The following MFHAS1 variants were observed in gnomAD, a reference collection of about 807,000 sequenced individuals.
MFHAS1 encodes the protein multifunctional ROCO family signaling regulator 1, also known as malignant fibrous histiocytoma-amplified sequence 1.
Under a neutral mutation model 70.4 loss-of-function variants are expected in MFHAS1, and 50 were observed. That is an observed-to-expected ratio of 0.71 (90% confidence interval 0.57 to 0.90). The LOEUF (loss-of-function observed/expected upper bound fraction) is 0.90. MFHAS1 is among the 40% of genes least tolerant of loss of function. MFHAS1 has a pLI of 0.00. For synonymous variants in MFHAS1, 952 were observed against 620.0 expected, an observed-to-expected ratio of 1.54 and a Z score of -7.96; for missense variants, 1,795 against 1,347.6, an observed-to-expected ratio of 1.33 and a Z score of -5.20.
rs144623564 is a variant in MFHAS1, at chr8:8,824,993, T to C, written c.2999-27502A>G. Among the ~76,000 whole-genome samples the C allele has an allele frequency of 6.8e-3, 1,032 of 152,320 alleles. 8 individuals are homozygous for C. Among genetic ancestry groups the C allele is most frequent in the Non-Finnish European group, 0.011 (741 of 68,016 alleles). On this transcript the variant is annotated intron_variant, in intron 1 of 2. Transcript: ENST00000276282. ...TCCCAGGCTAGACTCCTAGGGGACC[T>C]GCTTTCACCAAGGAAGGGAATAGAG...
At chr8:8,838,811 C>CA (rs33959926) in intron 1 of MFHAS1, among the ~76,000 whole-genome samples, 41,043 of 136,048 alleles carry the variant, frequency 0.3, 6,556 homozygotes, top group South Asian at 0.49. Context: ...GACCCTGCCT[C>CA]AAAAAAAAAA....
At chr8:8,806,679 G>T (rs1221465957) in intron 1 of MFHAS1, among the ~76,000 whole-genome samples, 1 of 152,110 alleles carries the variant, frequency 6.6e-6, no homozygotes, top group Non-Finnish European at 1.5e-5. Flanking sequence ...CCTAGAAAGG[G>T]GCCGGGTCCG....
At chr8:8,857,547 A>G (rs1808489660) in intron 1 of MFHAS1, among the ~76,000 whole-genome samples, 1 of 152,144 alleles carries the variant, frequency 6.6e-6, no homozygotes, top group African/African-American at 2.4e-5. Context: ...TCACAAGGTC[A>G]GGAGCTCGAG....
chr8:8,863,561 G>A (rs913220532), intron 1 of MFHAS1, among the ~76,000 whole-genome samples: 3 of 152,068 alleles, frequency 2.0e-5, no homozygotes, highest in Admixed American at 1.3e-4. Flanking sequence ...CCTTGCACCC[G>A]TGGTCTCTAG....
chr8:8,819,413 G>A (rs1563188210), intron 1 of MFHAS1, among the ~76,000 whole-genome samples: 1 of 152,114 alleles, frequency 6.6e-6, no homozygotes, highest in East Asian at 1.9e-4. Flanking sequence ...AGACCATCCT[G>A]GCTAACAGGG....
chr8:8,807,275 G>C (rs1806329214), intron 1 of MFHAS1, among the ~76,000 whole-genome samples: 1 of 151,998 alleles, frequency 6.6e-6, no homozygotes, highest in African/African-American at 2.4e-5. Context: ...CAGAAAAAAA[G>C]CCTGACGAAT....
chr8:8,832,870 G>C (rs1327255340), intron 1 of MFHAS1, among the ~76,000 whole-genome samples: 1 of 152,006 alleles, frequency 6.6e-6, no homozygotes, highest in South Asian at 2.1e-4. Flanking sequence ...CAAACTATTG[G>C]TCGAATTGTG....
intron 1 of MFHAS1, among the ~76,000 whole-genome samples, chr8:8,832,533 C>A (rs146192280): frequency 5.3e-5 from 8 of 150,930 alleles, no homozygotes; most frequent in African/African-American, 1.7e-4. Context: ...AGAAACCTTA[C>A]GAAGATACAC....
At chr8:8,883,858 G>A (rs945833858) in intron 1 of MFHAS1, among the ~76,000 whole-genome samples, 1 of 151,818 alleles carries the variant, frequency 6.6e-6, no homozygotes, top group Non-Finnish European at 1.5e-5. Flanking sequence ...ACCTCTTCAC[G>A]GACAAAGGGG....
At chr8:8,857,755 G>A (rs527781139) in intron 1 of MFHAS1, among the ~76,000 whole-genome samples, 7 of 150,152 alleles carry the variant, frequency 4.7e-5, no homozygotes, top group Admixed American at 3.3e-4. Context: ...GCAAGACTCC[G>A]TCTCAAAAAA....
At chr8:8,835,538 T>C (rs760936743) in intron 1 of MFHAS1, among the ~76,000 whole-genome samples, 10 of 152,226 alleles carry the variant, frequency 6.6e-5, no homozygotes, top group Non-Finnish European at 1.2e-4. Context: ...TACAAGGAAA[T>C]GAAAATTGAA....
intron 1 of MFHAS1, among the ~76,000 whole-genome samples, chr8:8,801,215 A>G (rs1370823472): frequency 6.8e-6 from 1 of 146,230 alleles, no homozygotes; most frequent in African/African-American, 2.5e-5. Context: ...ACTCTGTCTC[A>G]AAAAAAAAAA....
intron 1 of MFHAS1, among the ~76,000 whole-genome samples, chr8:8,843,215 G>A (rs1807903272): frequency 6.6e-6 from 1 of 151,796 alleles, no homozygotes; most frequent in Admixed American, 6.5e-5. Context: ...CTTGCAGTGA[G>A]CCGAGATTGC....
At chr8:8,814,819 T>C (rs977521649) in intron 1 of MFHAS1, among the ~76,000 whole-genome samples, 1 of 151,006 alleles carries the variant, frequency 6.6e-6, no homozygotes, top group African/African-American at 2.4e-5. Context: ...GAAAACCACA[T>C]GAGATACTAC....
intron 1 of MFHAS1, among the ~76,000 whole-genome samples, chr8:8,821,665 A>C (rs1806961838): frequency 6.6e-6 from 1 of 152,214 alleles, no homozygotes; most frequent in African/African-American, 2.4e-5. Context: ...ATGTATATTA[A>C]ATCCTCCTCT....
At chr8:8,804,759 A>G (rs897591815) in intron 1 of MFHAS1, among the ~76,000 whole-genome samples, 4 of 152,176 alleles carry the variant, frequency 2.6e-5, no homozygotes, top group African/African-American at 7.2e-5. Flanking sequence ...GATTCTCCCA[A>G]TGAATAACGC....
At chr8:8,873,119 G>A (rs1302991809) in intron 1 of MFHAS1, among the ~76,000 whole-genome samples, 1 of 152,234 alleles carries the variant, frequency 6.6e-6, no homozygotes, top group Non-Finnish European at 1.5e-5. Flanking sequence ...TGGTATCATA[G>A]TGTTCTTTTG....
intron 1 of MFHAS1, among the ~76,000 whole-genome samples, chr8:8,797,700 GA>G (rs776282270): frequency 4.6e-5 from 7 of 152,286 alleles, no homozygotes; most frequent in Middle Eastern, 3.4e-3. Flanking sequence ...TCACCGTGGA[GA>G]AAATTTTCAT....
At chr8:8,793,191 C>G (rs2046172088) in intron 2 of MFHAS1, among the ~76,000 whole-genome samples, 1 of 150,030 alleles carries the variant, frequency 6.7e-6, no homozygotes, top group African/African-American at 2.5e-5. Flanking sequence ...AAAAAAATAT[C>G]ACTACCTACT....
Sources: allele counts gnomAD v4.1 joint callset (sites outside exome capture counted in the v4.1 genomes callset), GRCh38; gene constraint gnomAD v4.1.1; transcripts MANE v1.5; gene names NCBI Gene and HGNC (gene_info 2026-07-23, HGNC 2026-07-21).